LRMDA: variants seen among roughly 807,000 people sequenced by gnomAD.
The protein encoded by LRMDA is leucine-rich melanocyte differentiation-associated protein.
A neutral mutation model predicts 29.8 loss-of-function variants in LRMDA; 18 were observed. That is an observed-to-expected ratio of 0.60 (90% CI 0.42 to 0.90). LRMDA has a LOEUF of 0.90. Among genes scored for constraint, LRMDA ranks in the 40% least tolerant of loss-of-function variants. The probability of loss-of-function intolerance (pLI) is 0.00; values close to 1 mark genes in which losing one functional copy is unlikely to be tolerated. For missense variants in LRMDA, 273 were observed against 273.9 expected (o/e 1.00, Z 0.02); for synonymous variants, 125 against 109.4 (o/e 1.14, Z -0.89).
At chr10:76,403,240 G>C (rs1235651569) in intron 6 of LRMDA, 4 of 151,716 alleles carry the variant, frequency 2.6e-5, no homozygotes, top group Admixed American at 1.3e-4. Flanking sequence ...GGAAATGTTG[G>C]CATGTGGATA....
chr10:75,968,639 C>A (rs1338011914), intron 2 of LRMDA, among the ~76,000 whole-genome samples: 1 of 152,142 alleles, frequency 6.6e-6, no homozygotes, highest in Non-Finnish European at 1.5e-5. Flanking sequence ...CCATAATGTG[C>A]AGGGATAAGT....
chr10:76,418,350 G>A (rs1464787125), intron 6 of LRMDA, among the ~76,000 whole-genome samples: 2 of 146,442 alleles, frequency 1.4e-5, no homozygotes, highest in Non-Finnish European at 3.0e-5. Context: ...GTGTGTGTGT[G>A]TATGCATGCA....
chr10:76,094,216 A>G (rs189904093), intron 5 of LRMDA, among the ~76,000 whole-genome samples: 1 of 152,322 alleles, frequency 6.6e-6, no homozygotes, highest in Admixed American at 6.5e-5. Context: ...CAACTTACCA[A>G]ATAGAGACCT....
At chr10:76,137,779 A>C (rs897022181) in intron 5 of LRMDA, among the ~76,000 whole-genome samples, 8 of 149,326 alleles carry the variant, frequency 5.4e-5, no homozygotes, top group African/African-American at 1.5e-4. Flanking sequence ...TGGCAAAAAA[A>C]AAAAAAACAA....
chr10:76,361,298 G>A (rs940963606), intron 6 of LRMDA, among the ~76,000 whole-genome samples: 2 of 151,956 alleles, frequency 1.3e-5, no homozygotes, highest in African/African-American at 4.8e-5. Flanking sequence ...TTAAATGAAG[G>A]GGGACCAGGA....
chr10:75,438,436 C>T lies in LRMDA; in HGVS notation c.73C>T (p.Leu25Phe), dbSNP rs1418373695. The change falls in exon 2 of 7, where the codon CTT (leucine) becomes TTT (phenylalanine). Residue 25 changes from leucine to phenylalanine, a missense_variant. By Grantham distance (22) the Leu-to-Phe change is conservative. Coordinates refer to ENST00000611255, the MANE Select transcript of LRMDA (RefSeq NM_001305581.2). Reference sequence around the variant, plus strand: ...GGACTGCAGAGAAATTCCAGAGCACCTTGGCAGGGACTGTGGACATTTCGC... The same window carrying T: ...GGACTGCAGAGAAATTCCAGAGCACTTTGGCAGGGACTGTGGACATTTCGC... ...GQDCREIPEH[L>F]GRDCGHFAKR... The T allele has an allele frequency of 1.3e-6, 2 of 1,550,998 alleles. No homozygotes were observed. Among genetic ancestry groups the T allele is most frequent in the Non-Finnish European group, 1.7e-6 (2 of 1,147,092 alleles).
intron 5 of LRMDA, among the ~76,000 whole-genome samples, chr10:76,073,196 A>G (rs1256183201): frequency 2.0e-5 from 3 of 152,132 alleles, no homozygotes; most frequent in South Asian, 4.1e-4. Context: ...TGTTGTTTTT[A>G]TATTTTTTAA....
At chr10:76,397,193 C>T (rs1841794959) in intron 6 of LRMDA, among the ~76,000 whole-genome samples, 1 of 152,116 alleles carries the variant, frequency 6.6e-6, no homozygotes, top group Admixed American at 6.5e-5. Flanking sequence ...TGGAGGGAAT[C>T]GGTCAAGCCA....
chr10:76,430,400 CT>C (rs1842178687), intron 6 of LRMDA, among the ~76,000 whole-genome samples: 1 of 152,204 alleles, frequency 6.6e-6, no homozygotes, highest in Non-Finnish European at 1.5e-5. Flanking sequence ...CTTCTGAAGT[CT>C]TTAAATCTTT....
intron 2 of LRMDA, among the ~76,000 whole-genome samples, chr10:75,746,659 T>C (rs1036831883): frequency 6.6e-6 from 1 of 152,200 alleles, no homozygotes; most frequent in Admixed American, 6.5e-5. Context: ...TTCATCATCA[T>C]AAAAATCATT....
chr10:76,381,118 G>A (rs1321619455), intron 6 of LRMDA, among the ~76,000 whole-genome samples: 1 of 137,784 alleles, frequency 7.3e-6, no homozygotes, highest in Non-Finnish European at 1.5e-5. Flanking sequence ...TTTAAGACAA[G>A]CAAGCAAATC....
chr10:75,839,794 T>C (rs997528400), intron 2 of LRMDA, among the ~76,000 whole-genome samples: 1 of 149,040 alleles, frequency 6.7e-6, no homozygotes, highest in Non-Finnish European at 1.5e-5. Flanking sequence ...CTGCAAGCTC[T>C]TCCTCCCAGG....
chr10:76,010,050 G>C (rs1185042240), intron 2 of LRMDA, among the ~76,000 whole-genome samples: 1 of 152,128 alleles, frequency 6.6e-6, no homozygotes, highest in Non-Finnish European at 1.5e-5. Context: ...CAGCATAGCA[G>C]CCAAGTTCCC....
At chr10:76,258,344 T>C (rs960995232) in intron 5 of LRMDA, among the ~76,000 whole-genome samples, 1 of 152,188 alleles carries the variant, frequency 6.6e-6, no homozygotes, top group African/African-American at 2.4e-5. Flanking sequence ...CATATAATAC[T>C]TGTACATATT....
intron 2 of LRMDA, among the ~76,000 whole-genome samples, chr10:76,032,770 G>A (rs972898861): frequency 6.6e-6 from 1 of 152,074 alleles, no homozygotes; most frequent in Non-Finnish European, 1.5e-5. Context: ...AGCTGGCTGT[G>A]CCTAGGTCCT....
intron 2 of LRMDA, among the ~76,000 whole-genome samples, chr10:75,595,485 T>C (rs1230982156): frequency 5.3e-5 from 8 of 151,396 alleles, no homozygotes; most frequent in Non-Finnish European, 7.4e-5. Flanking sequence ...CAGAGTCTTC[T>C]CTCTCTTTAT....
chr10:76,459,503 C>T (rs1842490898), intron 6 of LRMDA, among the ~76,000 whole-genome samples: 1 of 152,130 alleles, frequency 6.6e-6, no homozygotes, highest in East Asian at 1.9e-4. Flanking sequence ...CCCCAAAATA[C>T]AAAACCTAAT....
intron 6 of LRMDA, among the ~76,000 whole-genome samples, chr10:76,547,453 G>A (rs1268361449): frequency 1.3e-5 from 2 of 152,156 alleles, no homozygotes; most frequent in Non-Finnish European, 2.9e-5. Context: ...GTGACCAAAA[G>A]CACAGTGTGG....
intron 2 of LRMDA, among the ~76,000 whole-genome samples, chr10:75,963,733 G>A (rs1027097733): frequency 2.0e-5 from 3 of 152,186 alleles, no homozygotes; most frequent in Non-Finnish European, 2.9e-5. Flanking sequence ...CAAAAGAGAT[G>A]CAAAAATGAA....
Sources: gnomAD v4.1 joint callset for allele counts (sites outside exome capture counted in the v4.1 genomes callset) on GRCh38, gnomAD v4.1.1 for gene constraint, MANE v1.5 for transcripts, NCBI Gene and HGNC (gene_info 2026-07-23, HGNC 2026-07-21) for gene names.